The following HSPA4 variants were observed in gnomAD, a reference collection of about 807,000 sequenced individuals.
The protein encoded by HSPA4 is heat shock protein family A (Hsp70) member 4.
A neutral mutation model predicts 106.2 loss-of-function variants in HSPA4; 25 were observed. The observed-to-expected ratio is 0.24, with a 90% CI of 0.17 to 0.33. The LOEUF (loss-of-function observed/expected upper bound fraction) is 0.33. Among genes scored for constraint, HSPA4 ranks in the 10% least tolerant of loss-of-function variants. The pLI, the probability that HSPA4 is intolerant of heterozygous loss-of-function variation, is 1.00. For missense variants in HSPA4, 841 were observed against 996.0 expected (o/e 0.84, Z 2.10); for synonymous variants, 332 against 333.6 (o/e 1.00, Z 0.05).
intron 4 of HSPA4, among the ~76,000 whole-genome samples, chr5:133,071,497 T>C (rs1218822693): frequency 6.6e-6 from 1 of 152,146 alleles, no homozygotes; most frequent in Non-Finnish European, 1.5e-5. Context: ...ACTTTATCTT[T>C]TGCATATCCC....
chr5:133,081,578 T>C (rs373132481), intron 7 of HSPA4, among the ~76,000 whole-genome samples: 2 of 152,214 alleles, frequency 1.3e-5, no homozygotes, highest in East Asian at 3.8e-4. Flanking sequence ...CCCTGCTGAT[T>C]TCAGCTGCTG....
At chr5:133,056,217 G>C (rs1765163262) in intron 1 of HSPA4, among the ~76,000 whole-genome samples, 1 of 152,156 alleles carries the variant, frequency 6.6e-6, no homozygotes, top group South Asian at 2.1e-4. Context: ...AAAGACCTGA[G>C]CAAGAAGAGC....
At chr5:133,070,541 CAG>C in intron 4 of HSPA4, 45 bp downstream of exon 4, 1 of 1,602,008 alleles carries the variant, frequency 6.2e-7, no homozygotes, top group Non-Finnish European at 8.5e-7. Flanking sequence ...CATGAAGAAG[CAG>C]AGAGAAGAAA....
At chr5:133,064,235 G>T (rs1298329662) in intron 1 of HSPA4, among the ~76,000 whole-genome samples, 2 of 152,216 alleles carry the variant, frequency 1.3e-5, no homozygotes, top group Non-Finnish European at 2.9e-5. Flanking sequence ...GCCAGGTGCG[G>T]TGGCTCACGC....
At chr5:133,086,076 G>A (rs1261888461) in intron 7 of HSPA4, among the ~76,000 whole-genome samples, 5 of 152,178 alleles carry the variant, frequency 3.3e-5, no homozygotes, top group Non-Finnish European at 7.3e-5. Flanking sequence ...GGTTGTGCAT[G>A]CCTGTAGACC....
Position 133,101,875 on chromosome 5 carries a change from C to T in HSPA4, c.2154C>T (p.Asn718=). 1 of 1,491,510 alleles carries T rather than the reference C, an allele frequency of 6.7e-7. No individual in the cohort carries two copies. 92.4% of individuals were successfully genotyped at this position (1,491,510 alleles called of 1,614,324 possible). ...TGAAAATAATCAGCTCTTTCAAAAA[C>T]AAGGTAACTTTTTTCTTTGTCCTAC... ...QYMKIISSFK[N]KEDQYDHLDA... The change falls in exon 17 of 19, where the codon AAC becomes AAT. Residue 718 remains asparagine, a synonymous_variant. Coordinates refer to ENST00000304858, the MANE Select transcript of HSPA4 (RefSeq NM_002154.4).
intron 16 of HSPA4, among the ~76,000 whole-genome samples, chr5:133,100,276 C>CCAGG (rs1765768109): frequency 6.6e-6 from 1 of 151,944 alleles, no homozygotes; most frequent in Non-Finnish European, 1.5e-5. Context: ...ACCATGTTGG[C>CCAGG]CAGGCTGGTC....
At chr5:133,077,222 A>G (rs1202157244) in intron 7 of HSPA4, among the ~76,000 whole-genome samples, 1 of 152,182 alleles carries the variant, frequency 6.6e-6, no homozygotes, top group Admixed American at 6.6e-5. Flanking sequence ...AATTTAATTT[A>G]CCCAGTGACT....
intron 7 of HSPA4, among the ~76,000 whole-genome samples, chr5:133,082,933 T>C (rs1169763883): frequency 6.6e-6 from 1 of 151,612 alleles, no homozygotes; most frequent in Non-Finnish European, 1.5e-5. Flanking sequence ...TTCAGGAGTT[T>C]GAGACCAGCT....
chr5:133,102,447 C>T (rs1581483506), intron 17 of HSPA4, among the ~76,000 whole-genome samples: 1 of 152,168 alleles, frequency 6.6e-6, no homozygotes, highest in East Asian at 1.9e-4. Context: ...ACTTAACATG[C>T]ACTATCCTGG....
chr5:133,064,079 T>C (rs928615989), intron 1 of HSPA4, among the ~76,000 whole-genome samples: 44 of 152,194 alleles, frequency 2.9e-4, no homozygotes, highest in Non-Finnish European at 5.7e-4. Context: ...GCACAGAGTT[T>C]TTATTTAACC....
At chr5:133,099,004 T>A (rs973136505) in intron 15 of HSPA4, among the ~76,000 whole-genome samples, 2 of 152,118 alleles carry the variant, frequency 1.3e-5, no homozygotes, top group African/African-American at 2.4e-5. Flanking sequence ...ATTCTGAAAT[T>A]TTTTAACTTA....
At chr5:133,058,758 C>T (rs1026371920) in intron 1 of HSPA4, among the ~76,000 whole-genome samples, 1 of 150,872 alleles carries the variant, frequency 6.6e-6, no homozygotes, top group Non-Finnish European at 1.5e-5. Flanking sequence ...TTTGGGAGGC[C>T]GAGGTGGGGG....
At chr5:133,081,301 G>C (rs1038534791) in intron 7 of HSPA4, among the ~76,000 whole-genome samples, 41 of 152,330 alleles carry the variant, frequency 2.7e-4, no homozygotes, top group African/African-American at 8.9e-4. Context: ...ACCCGCCTCT[G>C]CCTCTCAAAG....
chr5:133,094,082 A>G (rs1469141641), intron 13 of HSPA4, among the ~76,000 whole-genome samples: 1 of 152,114 alleles, frequency 6.6e-6, no homozygotes, highest in Non-Finnish European at 1.5e-5. Flanking sequence ...ACAGAGCAAG[A>G]CTCCATCTTA....
At chr5:133,078,039 G>C (rs114462252) in intron 7 of HSPA4, among the ~76,000 whole-genome samples, 2,781 of 152,224 alleles carry the variant, frequency 0.018, 97 homozygotes, top group African/African-American at 0.064. Flanking sequence ...GCTGTTGTTT[G>C]AAAATAGTTG....
rs775525154 is a variant in HSPA4 at position 133,052,206 on chromosome 5, C to T, written c.-45C>T. 7 of 1,373,722 alleles carry T rather than the reference C, an allele frequency of 5.1e-6. 1 individual carries two copies. The South Asian group carries it at 8.6e-5, about 17-fold the overall frequency. 85.1% of individuals were successfully genotyped at this position (1,373,722 alleles called of 1,614,324 possible). On this transcript the variant is annotated 5_prime_UTR_variant, in exon 1 of 19. Coordinates refer to ENST00000304858, the MANE Select transcript of HSPA4 (RefSeq NM_002154.4). ...GCCCCGCCGGGGGTCCGTGTCCTGT[C>T]TCGGTGGCCGGACCCGGGCCCGAGC...
rs1250914739 is a variant in HSPA4, at chr5:133,086,851, A to G, written c.978A>G (p.Glu326=). Reference sequence around the variant, plus strand: ...AGCCACCACTTCGTAGTGTTTTGGAACAAACCAGTAAGTATTTTTGTGATT... The same window carrying G: ...AGCCACCACTTCGTAGTGTTTTGGAGCAAACCAGTAAGTATTTTTGTGATT... ...RVEPPLRSVL[E]QTKLKKEDIY... is the part of the protein sequence containing the mutation. The change falls in exon 8 of 19, where the codon GAA becomes GAG. Residue 326 remains glutamate (E), a synonymous_variant. Coordinates refer to ENST00000304858, the MANE Select transcript of HSPA4 (RefSeq NM_002154.4). 1.2e-6 allele frequency: 2 copies of G among 1,607,986 alleles called. No homozygotes were observed. Among genetic ancestry groups the G allele is most frequent in the Admixed American group, 3.3e-5 (2 of 60,012 alleles).
At chr5:133,089,247 TA>T (rs1387142206) in intron 10 of HSPA4, 86 bp downstream of exon 10, 4 of 761,374 alleles carry the variant, frequency 5.3e-6, no homozygotes, top group Admixed American at 5.4e-5. Context: ...TCAGTTTACA[TA>T]AATCTGTAAC....
Sources: gnomAD v4.1 joint callset for allele counts (sites outside exome capture counted in the v4.1 genomes callset) on GRCh38, gnomAD v4.1.1 for gene constraint, MANE v1.5 for transcripts, NCBI Gene and HGNC (gene_info 2026-07-23, HGNC 2026-07-21) for gene names.